MTUS1: variants seen among roughly 807,000 people sequenced by gnomAD.
The protein encoded by MTUS1 is microtubule associated scaffold protein 1, also known as microtubule-associated tumor suppressor 1.
Under a neutral mutation model 120.8 loss-of-function variants are expected in MTUS1, and 109 were observed. That is an observed-to-expected ratio of 0.90 (90% CI 0.77 to 1.06). MTUS1 has a LOEUF of 1.06. Among genes scored for constraint, MTUS1 ranks in the 50% least tolerant of loss-of-function variants. The probability of loss-of-function intolerance (pLI) is 0.00; values close to 1 mark genes in which losing one functional copy is unlikely to be tolerated. For missense variants in MTUS1, 2,210 were observed against 1,486.3 expected (o/e 1.49, Z -8.01); for synonymous variants, 737 against 550.5 (o/e 1.34, Z -4.74).
intron 1 of MTUS1, among the ~76,000 whole-genome samples, chr8:17,792,097 G>A (rs781282674): frequency 2.0e-5 from 3 of 152,116 alleles, no homozygotes; most frequent in Non-Finnish European, 2.9e-5. Flanking sequence ...TGCACCAAAT[G>A]TCCTGGATAC....
At chr8:17,684,161 A>C (rs1815226527) in intron 7 of MTUS1, among the ~76,000 whole-genome samples, 167 bp downstream of exon 7, 1 of 152,212 alleles carries the variant, frequency 6.6e-6, no homozygotes, top group Non-Finnish European at 1.5e-5. Flanking sequence ...AAATTGCTAG[A>C]GACCGACTCA....
chr8:17,710,651 A>G (rs2130994455), intron 6 of MTUS1, among the ~76,000 whole-genome samples: 1 of 152,296 alleles, frequency 6.6e-6, no homozygotes, highest in East Asian at 1.9e-4. Context: ...ACCTCCTCCC[A>G]TGAATCACGA....
intron 3 of MTUS1, among the ~76,000 whole-genome samples, chr8:17,739,697 C>G (rs1365737176): frequency 6.6e-6 from 1 of 152,026 alleles, no homozygotes; most frequent in Non-Finnish European, 1.5e-5. Flanking sequence ...AGGGATAAGC[C>G]TCAAAGTTAC....
intron 5 of MTUS1, among the ~76,000 whole-genome samples, chr8:17,714,373 C>T (rs1264149486): frequency 1.3e-5 from 2 of 152,152 alleles, no homozygotes; most frequent in African/African-American, 4.8e-5. Context: ...GACAGAGTAA[C>T]ACCTCTGAGA....
intron 12 of MTUS1, 116 bp downstream of exon 12, chr8:17,653,070 G>A (rs1807375776): frequency 4.7e-6 from 3 of 634,552 alleles, no homozygotes; most frequent in Middle Eastern, 3.1e-4. Context: ...CACATTGCCA[G>A]ACATGAGAAG....
At chr8:17,742,941 C>CA (rs1414046236) in intron 3 of MTUS1, among the ~76,000 whole-genome samples, 3 of 152,138 alleles carry the variant, frequency 2.0e-5, no homozygotes, top group Non-Finnish European at 4.4e-5. Context: ...AAGATGTTCT[C>CA]AGTCAATTGG....
chr8:17,713,267 A>C lies in MTUS1; in HGVS notation c.2585-15T>G. 1 of 1,441,482 alleles carries C rather than the reference A, an allele frequency of 6.9e-7. No homozygotes were observed. The allele number at this position is 1,441,482 out of a possible 1,614,324, so 89.3% of individuals were successfully genotyped here. A position where few individuals can be genotyped will look rare whatever the true frequency, so the allele number is the denominator to read the frequency against. On this transcript the variant is annotated splice_polypyrimidine_tract_variant and intron_variant, in intron 5 of 14. Transcript: ENST00000693296. Reference sequence around the variant, plus strand: ...TCTCGAAGGACCTAAGATATAAAAGAAACATGTAAAATACATATGTTTTAT... The same window carrying C: ...TCTCGAAGGACCTAAGATATAAAAGCAACATGTAAAATACATATGTTTTAT...
At position 17,775,580 on chromosome 8, in the gene MTUS1, G is replaced by C. The variant is rs1283883025; in HGVS notation, c.-154-19619C>G. 2.6e-5 allele frequency among the ~76,000 whole-genome samples: 4 copies of C among 152,212 alleles called. No individual in the cohort carries two copies. In the East Asian group the frequency reaches 5.8e-4, roughly 22 times the overall value. ...AGTTTCCTAAGTTTGCAAGTTCTTTGTTAAAATCTTCAATGAAATTCTCAC... is the reference window on the plus strand; with the variant it reads ...AGTTTCCTAAGTTTGCAAGTTCTTTCTTAAAATCTTCAATGAAATTCTCAC... On this transcript the variant is annotated intron_variant, in intron 1 of 14. Transcript: ENST00000693296.
chr8:17,721,655 T>C (rs2045851616), intron 4 of MTUS1: 5 of 1,507,490 alleles, frequency 3.3e-6, no homozygotes, highest in Admixed American at 2.3e-5. Context: ...AATCAATTTA[T>C]TGAATAAAAA....
chr8:17,681,090 C>T (rs1814384462), intron 7 of MTUS1, among the ~76,000 whole-genome samples: 1 of 152,144 alleles, frequency 6.6e-6, no homozygotes. Context: ...CATGCCACCA[C>T]ACATGGCTAA....
intron 6 of MTUS1, among the ~76,000 whole-genome samples, chr8:17,706,603 A>C (rs1253451129): frequency 6.6e-6 from 1 of 152,192 alleles, no homozygotes; most frequent in African/African-American, 2.4e-5. Flanking sequence ...AAATGATATG[A>C]AGCTTTTGGA....
Position 17,775,502 on chromosome 8 carries a change from G to A in MTUS1, c.-154-19541C>T, listed in dbSNP as rs559976364. Among the ~76,000 whole-genome samples the A allele has an allele frequency of 3.9e-5, 6 of 152,310 alleles. No homozygotes were observed. In the South Asian group the frequency reaches 1.2e-3, roughly 32 times the overall value. On this transcript the variant is annotated intron_variant, in intron 1 of 14. Coordinates refer to ENST00000693296, the MANE Select transcript of MTUS1 (RefSeq NM_001363059.2). ...CGCCCTACACACCTGCCAGGTGGAAGCTTTTCTAAGCTAGATGGTCGCACA... is the reference window on the plus strand; with the variant it reads ...CGCCCTACACACCTGCCAGGTGGAAACTTTTCTAAGCTAGATGGTCGCACA...
In MTUS1 at chr8:17,644,944, A is replaced by T. The variant is rs1353327324; in HGVS notation, c.*982T>A. On this transcript the variant is annotated 3_prime_UTR_variant, in exon 15 of 15. Coordinates refer to ENST00000693296, the MANE Select transcript of MTUS1 (RefSeq NM_001363059.2). ...GCTCTGGATGGTGGAGAAAGGTAAA[A>T]GGAAAATGAGAATAATGGGAGGGAA... is the stretch of plus-strand genomic sequence containing the variant. 1 of 152,330 alleles carries T rather than the reference A, an allele frequency of 6.6e-6. No homozygotes were observed. The allele number at this position is 152,330 out of a possible 1,614,324, so 9.4% of individuals were successfully genotyped here. A position where few individuals can be genotyped will look rare whatever the true frequency, so the allele number is the denominator to read the frequency against.
In MTUS1 at chr8:17,646,014, G is replaced by A. The variant is rs892646509; in HGVS notation, c.3725C>T (p.Pro1242Leu). Residue 1242 changes from proline to leucine, a missense_variant, in exon 15 of 15, where the codon CCC (proline) becomes CTC (leucine). Pro to Leu is a moderately conservative substitution (Grantham distance 98). Transcript: ENST00000693296. The stretch of plus-strand genomic sequence containing the variant: ...GGCGGAGGATGTGGGGGATCTCTTG[G>A]GGCTACACAGGTCCCCATTGTGCAG... ...WKLHNGDLCSPKRSPTSSAIP... is the reference protein window; with the variant it reads ...WKLHNGDLCSLKRSPTSSAIP... The A allele has an allele frequency of 1.9e-6, 3 of 1,613,462 alleles. No individual in the cohort carries two copies. Among genetic ancestry groups the A allele is most frequent in the African/African-American group, 2.7e-5 (2 of 74,826 alleles).
intron 2 of MTUS1, among the ~76,000 whole-genome samples, chr8:17,748,553 TG>T (rs2047944057): frequency 6.6e-6 from 1 of 152,152 alleles, no homozygotes; most frequent in African/African-American, 2.4e-5. Context: ...TGTCCATGGA[TG>T]GTGGAGCCAA....
intron 2 of MTUS1, among the ~76,000 whole-genome samples, chr8:17,746,523 G>T (rs1029893080): frequency 1.3e-5 from 2 of 152,092 alleles, no homozygotes; most frequent in African/African-American, 4.8e-5. Context: ...GAGAATAAAA[G>T]CCAAGGGAAA....
At chr8:17,742,274 T>TG (rs368032220) in intron 3 of MTUS1, among the ~76,000 whole-genome samples, 3,103 of 123,308 alleles carry the variant, frequency 0.025, 117 homozygotes, top group African/African-American at 0.04. Flanking sequence ...CAGCTGTTTT[T>TG]TTTTTTTGTT....
chr8:17,661,542 C>G (rs11775877), intron 8 of MTUS1, among the ~76,000 whole-genome samples: 104,271 of 151,886 alleles, frequency 0.69, 36,615 homozygotes, highest in East Asian at 0.83. Context: ...AATACTGTCG[C>G]TTTGAATATG....
chr8:17,747,295 G>A (rs913630085), intron 2 of MTUS1, among the ~76,000 whole-genome samples: 8 of 152,132 alleles, frequency 5.3e-5, no homozygotes, highest in African/African-American at 1.9e-4. Flanking sequence ...ACTCTACCCA[G>A]AATACCTGCC....
Sources: allele counts gnomAD v4.1 joint callset (sites outside exome capture counted in the v4.1 genomes callset), GRCh38; gene constraint gnomAD v4.1.1; transcripts MANE v1.5; gene names NCBI Gene and HGNC (gene_info 2026-07-23, HGNC 2026-07-21).